The following USP28 variants were observed in gnomAD, a reference collection of about 807,000 sequenced individuals.
USP28 encodes ubiquitin specific peptidase 28.
USP28 carries 113 observed loss-of-function variants against 145.0 expected under a neutral mutation model. The observed-to-expected ratio is 0.78, with a 90% CI of 0.67 to 0.91. USP28 has a LOEUF of 0.91. USP28 is among the 40% of genes least tolerant of loss of function. The pLI is 0.00. For missense variants in USP28, 1,201 were observed against 1,289.6 expected (o/e 0.93, Z 1.05); for synonymous variants, 447 against 450.9 (o/e 0.99, Z 0.11).
intron 21 of USP28, among the ~76,000 whole-genome samples, 199 bp from the exon 23 acceptor site, chr11:113,804,076 T>TG (rs1052336126): frequency 8.7e-4 from 133 of 152,380 alleles, no homozygotes; most frequent in Middle Eastern, 6.8e-3. Context: ...TTCAATGTTC[T>TG]GTTCCTTTCA....
intron 12 of USP28, among the ~76,000 whole-genome samples, chr11:113,819,976 G>C (rs1055798115): frequency 6.6e-6 from 1 of 152,156 alleles, no homozygotes; most frequent in Non-Finnish European, 1.5e-5. Flanking sequence ...CGCCCGGCCA[G>C]ACTAAAAACC....
intron 3 of USP28, among the ~76,000 whole-genome samples, chr11:113,848,705 T>C (rs575818385): frequency 3.9e-5 from 6 of 152,352 alleles, no homozygotes; most frequent in Admixed American, 2.0e-4. Context: ...ATGGATACTG[T>C]ATCTGCCTGG....
At chr11:113,839,604 T>C (rs1483800467) in intron 5 of USP28, among the ~76,000 whole-genome samples, 2 of 151,512 alleles carry the variant, frequency 1.3e-5, no homozygotes, top group East Asian at 1.9e-4. Flanking sequence ...AATGAAGACA[T>C]TGCGCCAGGT....
chr11:113,834,681 G>A (rs1279028979), intron 5 of USP28, among the ~76,000 whole-genome samples: 1 of 152,166 alleles, frequency 6.6e-6, no homozygotes, highest in Non-Finnish European at 1.5e-5. Context: ...GCCTCCCAAA[G>A]TGTTGGGATT....
Position 113,806,483 on chromosome 11 carries a change from A to T in USP28, c.2400+6T>A. 6.2e-7 allele frequency: 1 copy of T among 1,608,326 alleles called. No individual in the cohort carries two copies. The highest frequency in any genetic ancestry group is 8.5e-7 in the Non-Finnish European group (1 of 1,175,632). On this transcript the variant is annotated splice_donor_region_variant and intron_variant, in intron 19 of 24. Transcript: ENST00000003302. ...GTAAGAATTAGAATTTTAAAAACAG[A>T]GATACCTTAATCAGCCCTGCTTCAG...
At chr11:113,813,822 T>C in intron 15 of USP28, 63 bp downstream of exon 15, 2 of 1,342,260 alleles carry the variant, frequency 1.5e-6, no homozygotes, top group Non-Finnish European at 2.1e-6. Flanking sequence ...AACTATCAAA[T>C]TTGATTTTTG....
At chr11:113,874,830 C>CA (rs1244245298) in intron 1 of USP28, 1 of 1,032,136 alleles carries the variant, frequency 9.7e-7, no homozygotes, top group Non-Finnish European at 1.2e-6. Flanking sequence ...AGGAGATCAT[C>CA]ATCAGTAGAC....
chr11:113,871,221 G>A (rs184275446), intron 1 of USP28, among the ~76,000 whole-genome samples: 4 of 152,326 alleles, frequency 2.6e-5, no homozygotes, highest in East Asian at 1.9e-4. Flanking sequence ...AGAGCAAGCT[G>A]GCTCTAGCAC....
At chr11:113,815,075 TGTACA>T in intron 14 of USP28, 94 bp downstream of exon 14, 1 of 1,035,898 alleles carries the variant, frequency 9.7e-7, no homozygotes. Context: ...TTCTGTAGCA[TGTACA>T]GTAATGTCAG....
At chr11:113,831,801 C>T in intron 8 of USP28, 119 bp downstream of exon 8, 1 of 878,470 alleles carries the variant, frequency 1.1e-6, no homozygotes, top group Non-Finnish European at 1.8e-6. Flanking sequence ...CAGTGGTTAT[C>T]CCAGGAGGTA....
Position 113,801,113 on chromosome 11 carries a change from G to A in USP28, c.3058+370C>T, listed in dbSNP as rs531400409. Among the ~76,000 whole-genome samples the A allele has an allele frequency of 5.9e-5, 9 of 152,230 alleles. No homozygotes were observed. In the East Asian group the frequency reaches 1.7e-3, roughly 29 times the overall value. ...CCCACCTCGGCCTCTGAAAGTGCTG[G>A]GATTACAGGTGTGAGCCACTGCACC... On this transcript the variant is annotated intron_variant, in intron 24 of 24. Transcript: ENST00000003302.
chr11:113,842,428 A>G (rs1272406358), intron 3 of USP28, among the ~76,000 whole-genome samples: 1 of 152,092 alleles, frequency 6.6e-6, no homozygotes, highest in East Asian at 1.9e-4. Flanking sequence ...TACTAAAAAT[A>G]CAAAAAATTT....
chr11:113,844,327 G>A (rs1287598739), intron 3 of USP28, among the ~76,000 whole-genome samples: 2 of 151,946 alleles, frequency 1.3e-5, no homozygotes, highest in African/African-American at 2.4e-5. Flanking sequence ...TGTAATCTCC[G>A]CTACTCGGGA....
chr11:113,846,958 G>A (rs1042658868), intron 3 of USP28, among the ~76,000 whole-genome samples: 1 of 152,142 alleles, frequency 6.6e-6, no homozygotes, highest in Non-Finnish European at 1.5e-5. Flanking sequence ...TCACACCACT[G>A]CACTCCAGCC....
intron 11 of USP28, among the ~76,000 whole-genome samples, 154 bp downstream of exon 11, chr11:113,827,079 A>C (rs1454659499): frequency 6.6e-6 from 1 of 152,072 alleles, no homozygotes; most frequent in South Asian, 2.1e-4. Context: ...GGGAGGTCTC[A>C]GAAAAAGGCA....
intron 1 of USP28, among the ~76,000 whole-genome samples, chr11:113,858,135 G>A (rs1418076728): frequency 6.6e-6 from 1 of 152,132 alleles, no homozygotes; most frequent in African/African-American, 2.4e-5. Context: ...CAAAGTACTG[G>A]GGTTACAGGC....
intron 1 of USP28, among the ~76,000 whole-genome samples, chr11:113,861,716 T>C (rs1476214370): frequency 2.0e-5 from 3 of 152,228 alleles, no homozygotes; most frequent in Non-Finnish European, 2.9e-5. Flanking sequence ...AAATTGTCTA[T>C]GCACATGAAT....
chr11:113,841,750 T>C (rs951999019), exon 4 of USP28: 5 of 1,613,094 alleles, frequency 3.1e-6, no homozygotes, highest in South Asian at 1.1e-5. Flanking sequence ...TTTGTTATCA[T>C]GAGTAAGGTC....
At chr11:113,852,366 G>T (rs1451531792) in intron 3 of USP28, 135 bp downstream of exon 3, 5 of 1,232,124 alleles carry the variant, frequency 4.1e-6, no homozygotes, top group Non-Finnish European at 5.7e-6. Context: ...CTGCCACATA[G>T]CAATAGCTCA....
Sources: gnomAD v4.1 joint callset for allele counts (sites outside exome capture counted in the v4.1 genomes callset) on GRCh38, gnomAD v4.1.1 for gene constraint, MANE v1.5 for transcripts, NCBI Gene and HGNC (gene_info 2026-07-23, HGNC 2026-07-21) for gene names.